GRIN2A: variants seen among roughly 807,000 people sequenced by gnomAD.
GRIN2A encodes the protein glutamate receptor ionotropic, NMDA 2A.
Under a neutral mutation model 113.4 loss-of-function variants are expected in GRIN2A, and 22 were observed. The ratio of observed to expected loss-of-function variants is 0.19; its 90% CI spans 0.14 to 0.28. GRIN2A has a LOEUF of 0.28. GRIN2A is among the 10% of genes least tolerant of loss of function. GRIN2A has a pLI of 1.00. For missense variants in GRIN2A, 1,502 were observed against 1,887.0 expected (o/e 0.80, Z 3.78); for synonymous variants, 827 against 738.4 (o/e 1.12, Z -1.94).
At chr16:9,839,772 T>C (rs1596481998) in intron 7 of GRIN2A, among the ~76,000 whole-genome samples, 2 of 152,226 alleles carry the variant, frequency 1.3e-5, no homozygotes, top group South Asian at 4.1e-4. Flanking sequence ...AGTATCTGAA[T>C]ATGTGATCAT....
intron 2 of GRIN2A, among the ~76,000 whole-genome samples, chr16:10,035,934 G>C (rs145710193): frequency 1.3e-5 from 2 of 152,256 alleles, no homozygotes; most frequent in African/African-American, 4.8e-5. Flanking sequence ...ATGTTGGCCA[G>C]GCTGGTCTCG....
chr16:9,762,661 C>A lies in GRIN2A; in HGVS notation c.*488G>T. On this transcript the variant is annotated 3_prime_UTR_variant, in exon 13 of 13. Coordinates refer to ENST00000330684, the MANE Select transcript of GRIN2A (RefSeq NM_001134407.3). ...CCTAATCTCTTGCACATGTCAATCG[C>A]ACTACAGTGCAGATGCATTCTTAAC... The A allele has an allele frequency of 3.9e-6, 1 of 254,590 alleles. No homozygotes were observed. Among genetic ancestry groups the A allele is most frequent in the Non-Finnish European group, 7.7e-6 (1 of 130,562 alleles). The allele number at this position is 254,590 out of a possible 1,614,324, so 15.8% of individuals were successfully genotyped here.
intron 2 of GRIN2A, among the ~76,000 whole-genome samples, chr16:10,134,050 G>T (rs2049133680): frequency 6.6e-6 from 1 of 151,976 alleles, no homozygotes; most frequent in Non-Finnish European, 1.5e-5. Flanking sequence ...AAACAGATTA[G>T]CTGGGTATGG....
intron 5 of GRIN2A, among the ~76,000 whole-genome samples, chr16:9,846,746 G>C (rs1045794473): frequency 6.6e-6 from 1 of 152,146 alleles, no homozygotes; most frequent in South Asian, 2.1e-4. Flanking sequence ...ACCCAGCTTG[G>C]GGACGCAGGA....
chr16:10,003,276 AG>A (rs1242609839), intron 2 of GRIN2A, among the ~76,000 whole-genome samples: 1 of 152,204 alleles, frequency 6.6e-6, no homozygotes, highest in Non-Finnish European at 1.5e-5. Flanking sequence ...AATGGTCAAA[AG>A]GGTGGTAGAA....
intron 7 of GRIN2A, 75 bp downstream of exon 7, chr16:9,840,572 G>T (rs2141341174): frequency 7.4e-7 from 1 of 1,359,300 alleles, no homozygotes; most frequent in Non-Finnish European, 1.1e-6. Context: ...TTCCTTTCTG[G>T]TCCCATCCTC....
chr16:9,944,387 A>T (rs189000113), intron 2 of GRIN2A, among the ~76,000 whole-genome samples: 1 of 152,126 alleles, frequency 6.6e-6, no homozygotes, highest in African/African-American at 2.4e-5. Flanking sequence ...AATTGGTCAC[A>T]CTGGAAAACA....
At position 9,754,832 on chromosome 16, in the gene GRIN2A, C is replaced by G; in HGVS notation, c.*8317G>C. 1 of 222,876 alleles carries G rather than the reference C, an allele frequency of 4.5e-6. No homozygotes were observed. Among genetic ancestry groups the G allele is most frequent in the East Asian group, 6.5e-5 (1 of 15,370 alleles). The allele number at this position is 222,876 out of a possible 1,614,324, so 13.8% of individuals were successfully genotyped here. A position where few individuals can be genotyped will look rare whatever the true frequency, so the allele number is the denominator to read the frequency against. On this transcript the variant is annotated 3_prime_UTR_variant, in exon 13 of 13. Coordinates refer to ENST00000330684, the MANE Select transcript of GRIN2A (RefSeq NM_001134407.3). ...CGTATTTCTGGATCTTCGCTCTTTG[C>G]TCAGTTATCAATAGTCTTTGATTTG...
chr16:10,012,740 C>T lies in GRIN2A; in HGVS notation c.415-74189G>A, dbSNP rs117310368. 5.7e-4 allele frequency among the ~76,000 whole-genome samples: 87 copies of T among 152,242 alleles called. 1 individual carries two copies. The East Asian group carries it at 0.014, about 25-fold the overall frequency. On this transcript the variant is annotated intron_variant, in intron 2 of 12. Transcript: ENST00000330684. ...GCTGCCTTGGAAGATGAGGAAGGGG[C>T]CTTGAGCCAAGGAAATCAGGCAAGG...
At chr16:10,144,191 G>A (rs1049081099) in intron 2 of GRIN2A, among the ~76,000 whole-genome samples, 2 of 152,040 alleles carry the variant, frequency 1.3e-5, no homozygotes, top group African/African-American at 2.4e-5. Context: ...TGCACCAACC[G>A]ATAATAAAAA....
chr16:9,986,764 C>CAAAA (rs3065539), intron 2 of GRIN2A, among the ~76,000 whole-genome samples: 5 of 112,026 alleles, frequency 4.5e-5, no homozygotes, highest in African/African-American at 1.0e-4. Flanking sequence ...GACGCTGTCT[C>CAAAA]AAAAAAAAAA....
At chr16:10,081,357 A>G (rs2047978365) in intron 2 of GRIN2A, among the ~76,000 whole-genome samples, 1 of 152,306 alleles carries the variant, frequency 6.6e-6, no homozygotes, top group South Asian at 2.1e-4. Context: ...TGTGCTTCTA[A>G]GTTCTGCTCC....
intron 2 of GRIN2A, among the ~76,000 whole-genome samples, chr16:10,165,499 G>GATATATATATACATATATATATATATGT (rs1555489590): frequency 6.3e-4 from 82 of 129,688 alleles, no homozygotes; most frequent in African/African-American, 2.3e-3. Flanking sequence ...TTATATTTTT[G>GATATATATATACATATATATATATATGT]ATATATATAT....
intron 2 of GRIN2A, among the ~76,000 whole-genome samples, chr16:10,130,506 G>A (rs2049039114): frequency 6.6e-6 from 1 of 152,148 alleles, no homozygotes; most frequent in South Asian, 2.1e-4. Flanking sequence ...TTTAAATGGA[G>A]CTCCGGACAC....
intron 4 of GRIN2A, among the ~76,000 whole-genome samples, chr16:9,859,650 G>C (rs536603113): frequency 1.1e-3 from 162 of 146,928 alleles, no homozygotes; most frequent in Middle Eastern, 6.9e-3. Flanking sequence ...ACACAGAGAG[G>C]ATATGAAGCT....
At chr16:9,961,859 G>T (rs553723472) in intron 2 of GRIN2A, among the ~76,000 whole-genome samples, 1 of 152,066 alleles carries the variant, frequency 6.6e-6, no homozygotes, top group Non-Finnish European at 1.5e-5. Context: ...GAGGCATCAC[G>T]CTACCTGACT....
At chr16:9,881,818 C>G (rs1455557577) in intron 4 of GRIN2A, among the ~76,000 whole-genome samples, 1 of 152,206 alleles carries the variant, frequency 6.6e-6, no homozygotes, top group African/African-American at 2.4e-5. Flanking sequence ...TAATATGTTT[C>G]TCCCTGCCGG....
At chr16:9,788,739 TC>T (rs1902402692) in intron 11 of GRIN2A, among the ~76,000 whole-genome samples, 1 of 123,118 alleles carries the variant, frequency 8.1e-6, no homozygotes, top group Non-Finnish European at 1.7e-5. Flanking sequence ...CTTTAAGTCT[TC>T]TTTTTTTTTT....
chr16:9,983,772 C>G (rs554663777), intron 2 of GRIN2A, among the ~76,000 whole-genome samples: 1 of 152,262 alleles, frequency 6.6e-6, no homozygotes, highest in East Asian at 1.9e-4. Context: ...GAATAGTATT[C>G]CATTGTGTAT....
Sources: allele counts gnomAD v4.1 joint callset (sites outside exome capture counted in the v4.1 genomes callset), GRCh38; gene constraint gnomAD v4.1.1; transcripts MANE v1.5; gene names NCBI Gene and HGNC (gene_info 2026-07-23, HGNC 2026-07-21).